Variants in UBE3D observed in about 807,000 individuals in gnomAD.
UBE3D encodes E3 ubiquitin-protein ligase E3D.
UBE3D carries 48 observed loss-of-function variants against 49.6 expected under a neutral mutation model. The observed-to-expected ratio is 0.97, with a 90% CI of 0.77 to 1.23. The LOEUF is 1.23. UBE3D is among the 50% of genes most tolerant of loss of function. The probability of loss-of-function intolerance (pLI) is 0.00; values close to 1 mark genes in which losing one functional copy is unlikely to be tolerated. For missense variants in UBE3D, 452 were observed against 468.4 expected, an observed-to-expected ratio of 0.96 and a Z score of 0.32; for synonymous variants, 189 against 174.2, an observed-to-expected ratio of 1.08 and a Z score of -0.67.
chr6:82,954,019 C>T (rs1251237092), intron 9 of UBE3D, among the ~76,000 whole-genome samples: 1 of 152,114 alleles, frequency 6.6e-6, no homozygotes, highest in Non-Finnish European at 1.5e-5. Context: ...GTGATAAGGA[C>T]AGGGAGATAG....
intron 5 of UBE3D, among the ~76,000 whole-genome samples, chr6:83,029,768 C>T (rs1050712636): frequency 6.6e-6 from 1 of 152,148 alleles, no homozygotes; most frequent in Non-Finnish European, 1.5e-5. Context: ...GGCCTGGACT[C>T]GAACTGTGAA....
intron 9 of UBE3D, among the ~76,000 whole-genome samples, chr6:82,921,116 C>T (rs972894990): frequency 2.0e-5 from 3 of 151,932 alleles, no homozygotes; most frequent in Non-Finnish European, 2.9e-5. Context: ...CCACCATGCC[C>T]AACTAATTTT....
At chr6:83,026,576 CAGCCATGACAG>C in intron 5 of UBE3D, among the ~76,000 whole-genome samples, 1 of 152,160 alleles carries the variant, frequency 6.6e-6, no homozygotes, top group East Asian at 1.9e-4. Context: ...AATATATAGA[CAGCCATGACAG>C]ATTTACCCAT....
chr6:82,995,578 T>C (rs116143906), intron 8 of UBE3D, among the ~76,000 whole-genome samples: 2,050 of 151,340 alleles, frequency 0.014, 42 homozygotes, highest in African/African-American at 0.046. Context: ...GAAGCTCAAA[T>C]GTCTAATAAA....
intron 9 of UBE3D, among the ~76,000 whole-genome samples, chr6:82,918,220 A>C (rs1773064135): frequency 6.6e-6 from 1 of 152,018 alleles, no homozygotes; most frequent in South Asian, 2.1e-4. Flanking sequence ...TTAATTTCTA[A>C]AAGAAAAATT....
intron 4 of UBE3D, among the ~76,000 whole-genome samples, chr6:83,041,195 T>G (rs1209833400): frequency 6.6e-6 from 1 of 152,244 alleles, no homozygotes; most frequent in Non-Finnish European, 1.5e-5. Context: ...AAATTTTTTT[T>G]CAAGTGCTTT....
intron 9 of UBE3D, among the ~76,000 whole-genome samples, chr6:82,945,146 G>T (rs1418685619): frequency 1.3e-5 from 2 of 152,186 alleles, no homozygotes; most frequent in Non-Finnish European, 2.9e-5. Context: ...TGGTTACAGT[G>T]GACACTGGGT....
intron 9 of UBE3D, among the ~76,000 whole-genome samples, chr6:82,896,758 T>TG (rs1771349437): frequency 6.6e-6 from 1 of 152,076 alleles, no homozygotes; most frequent in African/African-American, 2.4e-5. Context: ...CTTTTTTTTT[T>TG]TGAGAGAGAG....
intron 9 of UBE3D, among the ~76,000 whole-genome samples, chr6:82,936,283 AG>A (rs1197826165): frequency 1.3e-5 from 2 of 152,204 alleles, no homozygotes; most frequent in African/African-American, 4.8e-5. Flanking sequence ...CCAAGAACAA[AG>A]CCTTCTATTT....
chr6:82,957,371 T>A lies in UBE3D; in HGVS notation c.1090A>T (p.Ile364Leu). The change falls in exon 9 of 10, where the codon ATA becomes TTA. Residue 364 changes from isoleucine (I) to leucine (L), a missense_variant. Transcript: ENST00000369747. ...AGATTGGCATTACTCTTTGACAATATCAACAGCAGCTCCAAGCAGGTTGCA... is the reference window on the plus strand; with the variant it reads ...AGATTGGCATTACTCTTTGACAATAACAACAGCAGCTCCAAGCAGGTTGCA... ...PSATCLELLL[I>L]LSKSNANLPS... The A allele has an allele frequency of 6.2e-7, 1 of 1,614,074 alleles. No homozygotes were observed. Among genetic ancestry groups the A allele is most frequent in the Non-Finnish European group, 8.5e-7 (1 of 1,180,014 alleles).
chr6:82,889,925 T>G (rs564326924), downstream of UBE3D, among the ~76,000 whole-genome samples: 91 of 151,308 alleles, frequency 6.0e-4, no homozygotes, highest in Admixed American at 2.0e-3. Context: ...AACTTTATAC[T>G]AGATAAAAAC....
At chr6:83,001,561 C>T (rs1779637727) in intron 8 of UBE3D, among the ~76,000 whole-genome samples, 1 of 152,186 alleles carries the variant, frequency 6.6e-6, no homozygotes, top group Non-Finnish European at 1.5e-5. Flanking sequence ...CAGTTCACCT[C>T]TTACTACACA....
intron 9 of UBE3D, among the ~76,000 whole-genome samples, chr6:82,917,666 C>A (rs905850885): frequency 1.6e-4 from 24 of 152,164 alleles, no homozygotes; most frequent in Admixed American, 1.3e-3. Context: ...AGGGAGAATC[C>A]CACAAACCTG....
chr6:82,920,148 T>G (rs1187244608), intron 9 of UBE3D, among the ~76,000 whole-genome samples: 1 of 152,184 alleles, frequency 6.6e-6, no homozygotes, highest in Non-Finnish European at 1.5e-5. Context: ...TGACTGAAGC[T>G]GTGGGAGAGA....
At chr6:82,992,786 C>T (rs917008405) in intron 8 of UBE3D, among the ~76,000 whole-genome samples, 2 of 152,114 alleles carry the variant, frequency 1.3e-5, no homozygotes, top group Admixed American at 6.5e-5. Context: ...GGCTGGTATA[C>T]ATAGTGATGT....
At chr6:82,974,200 C>T (rs1475157989) in intron 8 of UBE3D, among the ~76,000 whole-genome samples, 5 of 152,090 alleles carry the variant, frequency 3.3e-5, no homozygotes, top group African/African-American at 7.2e-5. Context: ...GTAATGTGTA[C>T]GAATCATCCC....
rs569373889 is a variant in UBE3D at position 82,973,245 on chromosome 6, C to T, written c.1011-15795G>A. 1.9e-4 allele frequency among the ~76,000 whole-genome samples: 29 copies of T among 152,230 alleles called. 2 individuals are homozygous for T. In the South Asian group the frequency reaches 5.0e-3, roughly 26 times the overall value. ...CCTATAAGAATTTGATTTGTATGCACCTAGATAAAATAAATATAACCAACA... is the reference window on the plus strand; with the variant it reads ...CCTATAAGAATTTGATTTGTATGCATCTAGATAAAATAAATATAACCAACA... On this transcript the variant is annotated intron_variant, in intron 8 of 9. Coordinates refer to ENST00000369747, the MANE Select transcript of UBE3D (RefSeq NM_198920.3).
chr6:82,900,767 C>G (rs368673606), intron 9 of UBE3D, among the ~76,000 whole-genome samples: 1 of 152,122 alleles, frequency 6.6e-6, no homozygotes, highest in Non-Finnish European at 1.5e-5. Context: ...TTCTGTCCAG[C>G]AGGAAGAATG....
At position 82,911,443 on chromosome 6, in the gene UBE3D, A is replaced by G. The variant is rs1190062671; in HGVS notation, c.1150-18401T>C. Among the ~76,000 whole-genome samples the G allele has an allele frequency of 3.3e-5, 5 of 152,164 alleles. No homozygotes were observed. In the East Asian group the frequency reaches 7.7e-4, roughly 23 times the overall value. Reference sequence around the variant, plus strand: ...AACAAGGGCCCAAACATTTGAGACAATAACTGGTTTTTGTTGTTTTTCTAA... The same window carrying G: ...AACAAGGGCCCAAACATTTGAGACAGTAACTGGTTTTTGTTGTTTTTCTAA... On this transcript the variant is annotated intron_variant, in intron 9 of 9. Coordinates refer to ENST00000369747, the MANE Select transcript of UBE3D (RefSeq NM_198920.3).
Sources: gnomAD v4.1 joint callset for allele counts (sites outside exome capture counted in the v4.1 genomes callset) on GRCh38, gnomAD v4.1.1 for gene constraint, MANE v1.5 for transcripts, NCBI Gene and HGNC (gene_info 2026-07-23, HGNC 2026-07-21) for gene names.